The following TNR variants were observed in gnomAD, a reference collection of about 807,000 sequenced individuals.
TNR encodes tenascin-R.
Under a neutral mutation model 150.4 loss-of-function variants are expected in TNR, and 45 were observed. The observed-to-expected ratio is 0.30, with a 90% CI of 0.24 to 0.38. The LOEUF (loss-of-function observed/expected upper bound fraction) is 0.38, where lower values mean the gene tolerates loss of function less well. Among genes scored for constraint, TNR ranks in the 10% least tolerant of loss-of-function variants. The probability of loss-of-function intolerance (pLI) is 1.00; values close to 1 mark genes in which losing one functional copy is unlikely to be tolerated. For synonymous variants in TNR, 687 were observed against 678.4 expected, an observed-to-expected ratio of 1.01 and a Z score of -0.20; for missense variants, 1,544 against 1,759.1, an observed-to-expected ratio of 0.88 and a Z score of 2.19.
intron 1 of TNR, among the ~76,000 whole-genome samples, chr1:175,672,744 G>A (rs113104161): frequency 7.2e-5 from 11 of 152,340 alleles, no homozygotes; most frequent in African/African-American, 2.6e-4. Flanking sequence ...TTTCAGGTGT[G>A]CTGAGGAGGA....
rs141975802 is a variant in TNR, at chr1:175,417,067, G to T, written c.-63-10290C>A. Reference sequence around the variant, plus strand: ...AGAAAGAAAGAAAGAAAGAAAGAAAGAAAGAAAGAAATCTAAGAAGTGGTC... The same window carrying T: ...AGAAAGAAAGAAAGAAAGAAAGAAATAAAGAAAGAAATCTAAGAAGTGGTC... On this transcript the variant is annotated intron_variant, in intron 2 of 22. Transcript: ENST00000367674. 3.7e-3 allele frequency among the ~76,000 whole-genome samples: 485 copies of T among 130,326 alleles called. 1 individual carries two copies. Among genetic ancestry groups the T allele is most frequent in the East Asian group, 0.012 (48 of 3,990 alleles). The allele number at this position is 130,326 out of a possible 152,430, so 85.5% of individuals were successfully genotyped here.
intron 1 of TNR, among the ~76,000 whole-genome samples, chr1:175,713,178 A>C (rs1667064714): frequency 6.6e-6 from 1 of 152,216 alleles, no homozygotes; most frequent in South Asian, 2.1e-4. Flanking sequence ...CTCTGCAGAC[A>C]AAGATGCCAT....
chr1:175,431,911 ATCTCTCTC>A (rs545138749), intron 2 of TNR, among the ~76,000 whole-genome samples: 2 of 136,374 alleles, frequency 1.5e-5, no homozygotes, highest in Admixed American at 1.4e-4. Context: ...GGACCATAAT[ATCTCTCTC>A]TCTCTCTCTC....
At chr1:175,644,907 T>A (rs2101884106) in intron 1 of TNR, among the ~76,000 whole-genome samples, 1 of 152,264 alleles carries the variant, frequency 6.6e-6, no homozygotes, top group Admixed American at 6.5e-5. Flanking sequence ...TGAAAACTGT[T>A]CTTTCTCTCA....
intron 2 of TNR, among the ~76,000 whole-genome samples, chr1:175,522,806 C>T (rs1412918914): frequency 6.6e-6 from 1 of 152,192 alleles, no homozygotes; most frequent in Non-Finnish European, 1.5e-5. Flanking sequence ...CTGGTTCACT[C>T]ATTATGACAT....
chr1:175,632,787 C>A (rs1328518490), intron 1 of TNR, among the ~76,000 whole-genome samples: 1 of 152,126 alleles, frequency 6.6e-6, no homozygotes, highest in Non-Finnish European at 1.5e-5. Context: ...TGCCTAGGAC[C>A]ATACCGATGG....
chr1:175,361,891 C>T (rs765557604), intron 14 of TNR, among the ~76,000 whole-genome samples: 6 of 152,292 alleles, frequency 3.9e-5, no homozygotes, highest in South Asian at 4.1e-4. Flanking sequence ...AGCAGTGGTG[C>T]TAGCAAAGGA....
At chr1:175,430,337 T>C (rs1233281144) in intron 2 of TNR, among the ~76,000 whole-genome samples, 2 of 152,186 alleles carry the variant, frequency 1.3e-5, no homozygotes, top group Non-Finnish European at 2.9e-5. Flanking sequence ...AGATGACTCT[T>C]AAGAATTAAC....
At chr1:175,663,357 A>T (rs1665436750) in intron 1 of TNR, among the ~76,000 whole-genome samples, 1 of 152,230 alleles carries the variant, frequency 6.6e-6, no homozygotes, top group Non-Finnish European at 1.5e-5. Context: ...CTTTAGGAGC[A>T]GGGGGAAAAC....
rs1405729395 is a variant in TNR, at chr1:175,379,677, T to C, written c.1838A>G (p.Glu613Gly). Residue 613 changes from glutamate to glycine, a missense_variant, in exon 9 of 23, where the codon GAG becomes GGG. Physicochemically the swap from Glu to Gly is moderately conservative, Grantham distance 98 (BLOSUM62 -2). Transcript: ENST00000367674. ...GSRTATSLDL[E>G]WDNSEAEVQE... The stretch of plus-strand genomic sequence containing the variant: ...AACTTCGGCTTCACTGTTATCCCAC[T>C]CGAGGTCAAGGCTGGTTGCTGTGCG... 2 of 1,614,194 alleles carry C rather than the reference T, an allele frequency of 1.2e-6. No individual in the cohort carries two copies. Among genetic ancestry groups the C allele is most frequent in the East Asian group, 2.2e-5 (1 of 44,880 alleles).
At chr1:175,662,113 G>A (rs1490025696) in intron 1 of TNR, among the ~76,000 whole-genome samples, 2 of 152,164 alleles carry the variant, frequency 1.3e-5, no homozygotes, top group African/African-American at 4.8e-5. Context: ...AACCACAGGT[G>A]AGCAAGGAGG....
intron 2 of TNR, among the ~76,000 whole-genome samples, chr1:175,414,313 A>G (rs1256319632): frequency 1.3e-5 from 2 of 152,164 alleles, no homozygotes; most frequent in Admixed American, 6.5e-5. Context: ...GGAGGAGAAA[A>G]AAAATGGAAG....
intron 1 of TNR, among the ~76,000 whole-genome samples, chr1:175,597,984 C>A (rs1182528170): frequency 6.6e-6 from 1 of 152,168 alleles, no homozygotes; most frequent in East Asian, 1.9e-4. Flanking sequence ...AAGAAGTTCA[C>A]AAGAAATCAG....
At chr1:175,658,455 C>A (rs902792629) in intron 1 of TNR, among the ~76,000 whole-genome samples, 5 of 152,108 alleles carry the variant, frequency 3.3e-5, no homozygotes, top group Non-Finnish European at 7.4e-5. Context: ...CTGCTAAGGC[C>A]AAGAATGACC....
chr1:175,515,733 C>T (rs1253751532), intron 2 of TNR, among the ~76,000 whole-genome samples: 1 of 152,076 alleles, frequency 6.6e-6, no homozygotes, highest in African/African-American at 2.4e-5. Flanking sequence ...GGGAAAGTGT[C>T]CTGACAGGAG....
intron 2 of TNR, among the ~76,000 whole-genome samples, chr1:175,446,786 T>C (rs1656069170): frequency 6.6e-6 from 1 of 152,170 alleles, no homozygotes; most frequent in South Asian, 2.1e-4. Context: ...GGCCCTAAGA[T>C]AGCCTGCAGG....
At position 175,359,592 on chromosome 1, in the gene TNR, G is replaced by T. The variant is rs1293058397; in HGVS notation, c.2974+20C>A. On this transcript the variant is annotated intron_variant, in intron 15 of 22. Transcript: ENST00000367674. ...CCCACCATTCCCACCTGCCTGATCT[G>T]CAGGCCTGCAGACACCCACCTGCAA... 6.2e-7 allele frequency: 1 copy of T among 1,612,896 alleles called. No homozygotes were observed.
chr1:175,371,472 TG>T (rs1652103279), intron 9 of TNR, among the ~76,000 whole-genome samples: 1 of 152,192 alleles, frequency 6.6e-6, no homozygotes, highest in Non-Finnish European at 1.5e-5. Flanking sequence ...CCTTGCCTTT[TG>T]GGGGTGAAAA....
intron 14 of TNR, among the ~76,000 whole-genome samples, chr1:175,362,250 C>T (rs893735863): frequency 2.0e-5 from 3 of 152,194 alleles, no homozygotes; most frequent in African/African-American, 7.2e-5. Context: ...TGGTTTCTGG[C>T]TATATCTGAT....
Sources: gnomAD v4.1 joint callset for allele counts (sites outside exome capture counted in the v4.1 genomes callset) on GRCh38, gnomAD v4.1.1 for gene constraint, MANE v1.5 for transcripts, NCBI Gene and HGNC (gene_info 2026-07-23, HGNC 2026-07-21) for gene names.